Variants in GMDS observed in about 807,000 individuals in gnomAD.
GMDS encodes the protein GDP-mannose 4,6-dehydratase, also known as GDP-mannose 4,6 dehydratase.
Under a neutral mutation model 49.9 loss-of-function variants are expected in GMDS, and 20 were observed. The observed-to-expected ratio is 0.40, with a 90% CI of 0.28 to 0.58. The LOEUF (loss-of-function observed/expected upper bound fraction) is 0.58. Among genes scored for constraint, GMDS ranks in the 20% least tolerant of loss-of-function variants. The pLI is 0.42. For synonymous variants in GMDS, 177 were observed against 178.6 expected (o/e 0.99, Z 0.07); for missense variants, 362 against 481.4 (o/e 0.75, Z 2.32).
intron 4 of GMDS, among the ~76,000 whole-genome samples, chr6:2,060,757 C>T (rs927684439): frequency 2.0e-5 from 3 of 152,140 alleles, no homozygotes; most frequent in African/African-American, 4.8e-5. Context: ...GGGCCGGGCG[C>T]GGTGACTCAC....
chr6:1,925,767 AC>A (rs766762481), intron 7 of GMDS, among the ~76,000 whole-genome samples: 28 of 152,056 alleles, frequency 1.8e-4, no homozygotes, highest in Admixed American at 5.2e-4. Context: ...TGAGGGCTCC[AC>A]CCCCAGGCCT....
chr6:2,042,429 T>C (rs989263382), intron 4 of GMDS, among the ~76,000 whole-genome samples: 2 of 152,096 alleles, frequency 1.3e-5, no homozygotes, highest in South Asian at 2.1e-4. Context: ...CTCAAACTCG[T>C]CCCCACCCCA....
At chr6:2,093,137 T>C (rs1018681200) in intron 4 of GMDS, among the ~76,000 whole-genome samples, 3 of 152,196 alleles carry the variant, frequency 2.0e-5, no homozygotes, top group African/African-American at 7.2e-5. Flanking sequence ...GACCAGTCTT[T>C]CCACGTCCAA....
intron 4 of GMDS, among the ~76,000 whole-genome samples, chr6:2,073,577 C>A (rs897885611): frequency 6.6e-6 from 1 of 152,136 alleles, no homozygotes. Context: ...CCCTACCCTG[C>A]TACCAAATAT....
At chr6:1,992,203 G>A (rs1765991802) in intron 4 of GMDS, among the ~76,000 whole-genome samples, 2 of 152,132 alleles carry the variant, frequency 1.3e-5, no homozygotes, top group South Asian at 2.1e-4. Flanking sequence ...CAGTACCCCC[G>A]CTGAGCTCCA....
chr6:1,997,316 T>C lies in GMDS; in HGVS notation c.346-36350A>G, dbSNP rs191934371. On this transcript the variant is annotated intron_variant, in intron 4 of 10. Transcript: ENST00000380815. ...CGAGGTCAGGAGACGGAAACCATCC[T>C]GGCCAACATGGTGAAACACCATCTC... Among the ~76,000 whole-genome samples the C allele has an allele frequency of 5.3e-5, 8 of 152,090 alleles. No homozygotes were observed. The East Asian group carries it at 1.6e-3, about 30-fold the overall frequency.
chr6:2,120,063 T>A (rs1775056492), intron 2 of GMDS, among the ~76,000 whole-genome samples: 1 of 152,236 alleles, frequency 6.6e-6, no homozygotes, highest in South Asian at 2.1e-4. Context: ...CTCCCAGGGA[T>A]GGTTAATGTC....
chr6:1,687,683 C>A (rs549985701), intron 9 of GMDS, among the ~76,000 whole-genome samples: 1 of 152,004 alleles, frequency 6.6e-6, no homozygotes, highest in Non-Finnish European at 1.5e-5. Context: ...AGGTGAAGAA[C>A]GTGAGGGGGG....
rs1389043312 is a variant in GMDS, at chr6:2,086,541, AAGCTGCCGTTCTGC to A, written c.345+29216_345+29229del. 3.3e-5 allele frequency among the ~76,000 whole-genome samples: 5 copies of A among 152,298 alleles called. No individual in the cohort carries two copies. The South Asian group carries it at 8.3e-4, about 25-fold the overall frequency. On this transcript the variant is annotated intron_variant, in intron 4 of 10. Transcript: ENST00000380815. ...ACCAGCATGCTGCTGCTCCTCCCCA[AAGCTGCCGTTCTGC>A]AGCTGACTCGGGGACTTCGAAACAA...
At chr6:1,745,848 A>C (rs1767472202) in intron 7 of GMDS, among the ~76,000 whole-genome samples, 1 of 152,206 alleles carries the variant, frequency 6.6e-6, no homozygotes, top group Non-Finnish European at 1.5e-5. Flanking sequence ...TAAATGAAGA[A>C]CAGGTGACAC....
intron 4 of GMDS, among the ~76,000 whole-genome samples, chr6:2,071,887 C>A (rs1049555973): frequency 6.6e-6 from 1 of 152,138 alleles, no homozygotes; most frequent in Non-Finnish European, 1.5e-5. Flanking sequence ...AAGTTCACAG[C>A]ACATACCTAT....
chr6:2,230,935 C>G (rs1413927155), intron 1 of GMDS, among the ~76,000 whole-genome samples: 1 of 35,812 alleles, frequency 2.8e-5, no homozygotes, highest in Non-Finnish European at 6.3e-5. Context: ...TCTCTTCCCC[C>G]CTCCCACCCC....
At chr6:2,038,834 G>A (rs1769465755) in intron 4 of GMDS, among the ~76,000 whole-genome samples, 1 of 152,208 alleles carries the variant, frequency 6.6e-6, no homozygotes, top group Non-Finnish European at 1.5e-5. Context: ...AATGGCAGAA[G>A]GCAGGGGCAA....
intron 9 of GMDS, among the ~76,000 whole-genome samples, chr6:1,696,156 T>C (rs1189179716): frequency 6.6e-6 from 1 of 152,148 alleles, no homozygotes; most frequent in Non-Finnish European, 1.5e-5. Context: ...GGGTTCCTAA[T>C]GTTTCAGCAA....
chr6:1,631,699 G>C (rs980440044), intron 9 of GMDS, among the ~76,000 whole-genome samples: 3 of 151,048 alleles, frequency 2.0e-5, no homozygotes, highest in Admixed American at 6.6e-5. Flanking sequence ...TATAAATAAC[G>C]TAACAGGGTC....
chr6:1,649,117 G>GT (rs1763574457), intron 9 of GMDS, among the ~76,000 whole-genome samples: 1 of 152,192 alleles, frequency 6.6e-6, no homozygotes, highest in South Asian at 2.1e-4. Context: ...TCACTTGCCA[G>GT]TAAGTCTAGG....
chr6:1,693,781 C>A (rs1434499662), intron 9 of GMDS, among the ~76,000 whole-genome samples: 1 of 152,154 alleles, frequency 6.6e-6, no homozygotes, highest in Non-Finnish European at 1.5e-5. Flanking sequence ...CTGTTACTAG[C>A]AAGCACAGTT....
At chr6:2,143,367 A>G (rs1302104809) in intron 1 of GMDS, among the ~76,000 whole-genome samples, 1 of 152,120 alleles carries the variant, frequency 6.6e-6, no homozygotes, top group African/African-American at 2.4e-5. Flanking sequence ...TTTCCCCTAC[A>G]GAACTTCTCA....
At chr6:2,081,102 G>A (rs1481113555) in intron 4 of GMDS, among the ~76,000 whole-genome samples, 1 of 152,054 alleles carries the variant, frequency 6.6e-6, no homozygotes, top group Non-Finnish European at 1.5e-5. Context: ...TTTAAAATGT[G>A]TTAGTAAACG....
Sources: allele counts gnomAD v4.1 joint callset (sites outside exome capture counted in the v4.1 genomes callset), GRCh38; gene constraint gnomAD v4.1.1; transcripts MANE v1.5; gene names NCBI Gene and HGNC (gene_info 2026-07-23, HGNC 2026-07-21).